MYO3B: variants seen among roughly 807,000 people sequenced by gnomAD.
MYO3B encodes the protein myosin-IIIb.
In MYO3B, 156 loss-of-function variants were observed where a neutral mutation model predicts 174.6. The observed-to-expected ratio is 0.89, with a 90% confidence interval of 0.78 to 1.02. MYO3B has a LOEUF of 1.02. MYO3B is among the 50% of genes least tolerant of loss of function. The probability of loss-of-function intolerance (pLI) is 0.00; values close to 1 mark genes in which losing one functional copy is unlikely to be tolerated. For missense variants in MYO3B, 1,632 were observed against 1,639.4 expected (o/e 1.00, Z 0.08); for synonymous variants, 563 against 569.1 (o/e 0.99, Z 0.15).
At chr2:170,357,345 A>G (rs866337097) in intron 8 of MYO3B, among the ~76,000 whole-genome samples, 13 of 146,452 alleles carry the variant, frequency 8.9e-5, no homozygotes, top group African/African-American at 2.7e-4. Flanking sequence ...TATATTATAT[A>G]TATATATTTT....
intron 32 of MYO3B, among the ~76,000 whole-genome samples, chr2:170,567,918 T>C (rs933866235): frequency 1.3e-5 from 2 of 152,200 alleles, no homozygotes; most frequent in East Asian, 3.9e-4. Flanking sequence ...GAAGTAGTAA[T>C]ATAACATCAC....
intron 29 of MYO3B, 75 bp from the exon 30 acceptor site, chr2:170,519,363 G>A: frequency 1.8e-6 from 2 of 1,117,924 alleles, no homozygotes; most frequent in East Asian, 2.4e-5. Flanking sequence ...GGGCTGCAGA[G>A]AGTGTAGATG....
chr2:170,473,697 G>A (rs1685125975), intron 25 of MYO3B, among the ~76,000 whole-genome samples: 2 of 152,146 alleles, frequency 1.3e-5, no homozygotes, highest in African/African-American at 4.8e-5. Flanking sequence ...ATTATTAGAA[G>A]TTAATACATT....
intron 19 of MYO3B, among the ~76,000 whole-genome samples, chr2:170,403,743 C>A (rs1187915149): frequency 6.6e-6 from 1 of 152,166 alleles, no homozygotes; most frequent in Admixed American, 6.5e-5. Context: ...GTGAAAATAC[C>A]AGCATTGCTT....
intron 6 of MYO3B, among the ~76,000 whole-genome samples, chr2:170,219,028 A>G (rs1446182588): frequency 6.6e-6 from 1 of 152,208 alleles, no homozygotes; most frequent in East Asian, 1.9e-4. Context: ...TGACTCTCCA[A>G]ATCCCTACTG....
At chr2:170,498,568 T>A in intron 25 of MYO3B, 24 bp from the exon 26 acceptor site, 2 of 1,544,382 alleles carry the variant, frequency 1.3e-6, no homozygotes, top group Non-Finnish European at 8.9e-7. Flanking sequence ...TGAAAAGGCT[T>A]CACTTAATTC....
intron 8 of MYO3B, among the ~76,000 whole-genome samples, chr2:170,368,078 G>A (rs1474698027): frequency 6.6e-6 from 1 of 152,170 alleles, no homozygotes; most frequent in East Asian, 1.9e-4. Flanking sequence ...AGAAACCAAA[G>A]CTTTTTTGTA....
chr2:170,386,193 T>C lies in MYO3B; in HGVS notation c.1295T>C (p.Ile432Thr). 6.2e-7 allele frequency: 1 copy of C among 1,613,354 alleles called. No homozygotes were observed. Among genetic ancestry groups the C allele is most frequent in the Non-Finnish European group, 8.5e-7 (1 of 1,179,504 alleles). The change falls in exon 13 of 35, where the codon ATT becomes ACT. Residue 432 changes from isoleucine (I) to threonine (T), a missense_variant. Coordinates refer to ENST00000408978, the MANE Select transcript of MYO3B (RefSeq NM_138995.5). ...CMVTLSKDQC[I>T]VISGESGSGK... Reference sequence around the variant, plus strand: ...ACGCTCCATTTTCTGTGCCAGTGCATTGTCATCAGCGGAGAGAGTGGCTCT... The same window carrying C: ...ACGCTCCATTTTCTGTGCCAGTGCACTGTCATCAGCGGAGAGAGTGGCTCT...
At chr2:170,236,635 G>C (rs1394048277) in intron 7 of MYO3B, among the ~76,000 whole-genome samples, 2 of 152,150 alleles carry the variant, frequency 1.3e-5, no homozygotes, top group African/African-American at 4.8e-5. Context: ...GCGGAAAGAG[G>C]TCTGTTTGGA....
chr2:170,493,946 T>C (rs1296039778), intron 25 of MYO3B, among the ~76,000 whole-genome samples: 2 of 152,252 alleles, frequency 1.3e-5, no homozygotes. Context: ...CAGTCAGGCT[T>C]TAAGATGACT....
At chr2:170,309,464 T>C (rs1450304578) in intron 7 of MYO3B, among the ~76,000 whole-genome samples, 4 of 152,200 alleles carry the variant, frequency 2.6e-5, no homozygotes, top group Non-Finnish European at 5.9e-5. Context: ...ACTTATCTTT[T>C]CTACCTTAGC....
intron 17 of MYO3B, among the ~76,000 whole-genome samples, chr2:170,400,758 C>T (rs1310276417): frequency 6.6e-6 from 1 of 151,652 alleles, no homozygotes; most frequent in Non-Finnish European, 1.5e-5. Context: ...TCCTGTGGAA[C>T]ACCAGTGTTC....
intron 7 of MYO3B, among the ~76,000 whole-genome samples, chr2:170,323,549 A>C (rs1453681101): frequency 6.6e-6 from 1 of 152,232 alleles, no homozygotes; most frequent in East Asian, 1.9e-4. Flanking sequence ...TCCCAAATGC[A>C]GAAACAAGAT....
rs141099864 is a variant in MYO3B at position 170,448,638 on chromosome 2, C to T, written c.2730+4592C>T. 4.3e-3 allele frequency among the ~76,000 whole-genome samples: 652 copies of T among 152,238 alleles called. 4 individuals are homozygous for T. The highest frequency in any genetic ancestry group is 0.015 in the African/African-American group (637 of 41,522). Reference sequence around the variant, plus strand: ...ACAACATACTATATGGTAAATAATGCATTCTGGGATAAGCAGTGCAATTCC... The same window carrying T: ...ACAACATACTATATGGTAAATAATGTATTCTGGGATAAGCAGTGCAATTCC... On this transcript the variant is annotated intron_variant, in intron 23 of 34. Transcript: ENST00000408978.
At position 170,185,730 on chromosome 2, in the gene MYO3B, G is replaced by T. The variant is rs536274359; in HGVS notation, c.2+7441G>T. On this transcript the variant is annotated intron_variant, in intron 1 of 34. Transcript: ENST00000408978. Reference sequence around the variant, plus strand: ...ATGCATTGAATCTGTAGATTGCTTTGGGTAGTATGGACGTTTTAACAATAT... The same window carrying T: ...ATGCATTGAATCTGTAGATTGCTTTTGGTAGTATGGACGTTTTAACAATAT... Among the ~76,000 whole-genome samples, 26 of 152,202 alleles carry T rather than the reference G, an allele frequency of 1.7e-4. 1 individual carries two copies. The South Asian group carries it at 5.4e-3, about 32-fold the overall frequency.
chr2:170,648,953 T>TAATATATAATGTATAATATATAA (rs1698642367), intron 32 of MYO3B, among the ~76,000 whole-genome samples: 2 of 64,414 alleles, frequency 3.1e-5, no homozygotes, highest in African/African-American at 5.8e-5. Flanking sequence ...ATATATAAAA[T>TAATATATAATGTATAATATATAA]AATATATAAT....
At chr2:170,369,069 C>T in intron 8 of MYO3B, 153 bp from the exon 9 acceptor site, 1 of 529,080 alleles carries the variant, frequency 1.9e-6, no homozygotes, top group Non-Finnish European at 3.1e-6. Context: ...TTTCTGTTTT[C>T]TGGTACATAT....
chr2:170,236,217 C>G lies in MYO3B; in HGVS notation c.749+81C>G, dbSNP rs1017180371. On this transcript the variant is annotated intron_variant, in intron 7 of 34. Coordinates refer to ENST00000408978, the MANE Select transcript of MYO3B (RefSeq NM_138995.5). ...AGAGGGATAATAAATAGTTTGCAAGCAATTTCTCTCCAAACCTGACAAAGC... is the reference window on the plus strand; with the variant it reads ...AGAGGGATAATAAATAGTTTGCAAGGAATTTCTCTCCAAACCTGACAAAGC... The G allele has an allele frequency of 2.1e-6, 3 of 1,456,292 alleles. No homozygotes were observed. The South Asian group carries it at 3.5e-5, about 17-fold the overall frequency. 90.2% of individuals were successfully genotyped at this position (1,456,292 alleles called of 1,614,324 possible).
chr2:170,254,528 G>A (rs980619144), intron 7 of MYO3B, among the ~76,000 whole-genome samples: 14 of 152,286 alleles, frequency 9.2e-5, no homozygotes, highest in Admixed American at 3.9e-4. Context: ...GCAAAACAGA[G>A]CCACCACTGT....
Sources: gnomAD v4.1 joint callset for allele counts (sites outside exome capture counted in the v4.1 genomes callset) on GRCh38, gnomAD v4.1.1 for gene constraint, MANE v1.5 for transcripts, NCBI Gene and HGNC (gene_info 2026-07-23, HGNC 2026-07-21) for gene names.